Variants in COLEC12 observed in about 807,000 individuals in gnomAD.
COLEC12 encodes the protein collectin subfamily member 12.
In COLEC12, 33 loss-of-function variants were observed where a neutral mutation model predicts 71.1. The observed-to-expected ratio is 0.46, with a 90% CI of 0.35 to 0.62. The LOEUF (loss-of-function observed/expected upper bound fraction) is 0.62, where lower values mean the gene tolerates loss of function less well. Ranked by LOEUF, COLEC12 falls within the 20% of genes least tolerant of loss-of-function variation. The probability of loss-of-function intolerance (pLI) is 0.00; values close to 1 mark genes in which losing one functional copy is unlikely to be tolerated. For missense variants in COLEC12, 765 were observed against 916.1 expected (o/e 0.84, Z 2.13); for synonymous variants, 350 against 353.0 (o/e 0.99, Z 0.10).
intron 2 of COLEC12, among the ~76,000 whole-genome samples, chr18:458,837 T>G (rs1273522841): frequency 1.3e-5 from 2 of 152,246 alleles, no homozygotes; most frequent in Non-Finnish European, 2.9e-5. Context: ...CAGGAGGTAC[T>G]CAGATAACTT....
intron 2 of COLEC12, among the ~76,000 whole-genome samples, chr18:460,282 T>C (rs1277837251): frequency 1.3e-5 from 2 of 151,598 alleles, no homozygotes; most frequent in African/African-American, 4.9e-5. Context: ...ATTCTTCATT[T>C]ACTACACGCC....
At chr18:448,093 C>CCAAGT (rs1916688050) in intron 2 of COLEC12, among the ~76,000 whole-genome samples, 1 of 152,162 alleles carries the variant, frequency 6.6e-6, no homozygotes, top group African/African-American at 2.4e-5. Context: ...TTTCAAATAC[C>CCAAGT]CAAGTGGTAC....
rs764922020 is a variant in COLEC12 at position 334,754 on chromosome 18, G to A, written c.1804C>T (p.Pro602Ser). 3 of 1,470,658 alleles carry A rather than the reference G, an allele frequency of 2.0e-6. No individual in the cohort carries two copies. The South Asian group carries it at 4.5e-5, about 22-fold the overall frequency. 91.1% of individuals were successfully genotyped at this position (1,470,658 alleles called of 1,614,324 possible). Residue 602 changes from proline to serine, a missense_variant, in exon 6 of 10, where the codon CCG (proline) becomes TCG (serine). Physicochemically the swap from Pro to Ser is moderately conservative, Grantham distance 74 (BLOSUM62 -1). Coordinates refer to ENST00000400256, the MANE Select transcript of COLEC12 (RefSeq NM_130386.3). The part of the protein sequence containing the change: ...LALQNEPTPA[P>S]EDNGCPPHWK... ...GGCTTGGACTTACCATTGTCCTCCG[G>A]TGCTGGGGTTGGCTCATTCTGCAGG... is the stretch of plus-strand genomic sequence containing the variant.
At chr18:328,789 G>C (rs1158118943) in intron 8 of COLEC12, among the ~76,000 whole-genome samples, 1 of 152,160 alleles carries the variant, frequency 6.6e-6, no homozygotes, top group African/African-American at 2.4e-5. Flanking sequence ...CCCCGATCTT[G>C]CTGATGCTAG....
intron 2 of COLEC12, among the ~76,000 whole-genome samples, chr18:428,398 T>C (rs985744862): frequency 6.6e-6 from 1 of 152,202 alleles, no homozygotes; most frequent in African/African-American, 2.4e-5. Context: ...TTCATTTACA[T>C]TTGGTGTGAG....
chr18:474,140 G>C (rs999332246), intron 2 of COLEC12, among the ~76,000 whole-genome samples: 2 of 152,184 alleles, frequency 1.3e-5, no homozygotes, highest in African/African-American at 4.8e-5. Flanking sequence ...GAGTATGGCC[G>C]TGTCTGTGAG....
chr18:464,309 G>A (rs187113373), intron 2 of COLEC12, among the ~76,000 whole-genome samples: 217 of 152,204 alleles, frequency 1.4e-3, no homozygotes, highest in African/African-American at 4.5e-3. Context: ...ACAGCATCTC[G>A]CGACAGTCTA....
chr18:417,517 C>T (rs1286683643), intron 2 of COLEC12, among the ~76,000 whole-genome samples: 1 of 152,076 alleles, frequency 6.6e-6, no homozygotes, highest in Non-Finnish European at 1.5e-5. Context: ...CCCCTAAGGA[C>T]CACCGCCAAG....
At chr18:447,413 G>A (rs1916674145) in intron 2 of COLEC12, among the ~76,000 whole-genome samples, 1 of 152,202 alleles carries the variant, frequency 6.6e-6, no homozygotes, top group South Asian at 2.1e-4. Context: ...GGAGGTAGAG[G>A]GAGAGGGGAG....
intron 2 of COLEC12, among the ~76,000 whole-genome samples, chr18:363,290 G>A (rs895870381): frequency 1.3e-5 from 2 of 152,140 alleles, no homozygotes; most frequent in Non-Finnish European, 2.9e-5. Context: ...CACTGAAGGT[G>A]GGCTTGTGTG....
chr18:483,081 T>C (rs1917454448), intron 1 of COLEC12, among the ~76,000 whole-genome samples: 1 of 152,196 alleles, frequency 6.6e-6, no homozygotes, highest in African/African-American at 2.4e-5. Flanking sequence ...CTCAGAATAC[T>C]TGTTTGTTAC....
chr18:496,820 T>C (rs1487925221), intron 1 of COLEC12, among the ~76,000 whole-genome samples: 3 of 152,222 alleles, frequency 2.0e-5, no homozygotes, highest in Non-Finnish European at 4.4e-5. Context: ...TGTTTTTGGT[T>C]GTCTCTTAGG....
At chr18:350,026 G>A (rs1266291902) in intron 3 of COLEC12, among the ~76,000 whole-genome samples, 1 of 152,180 alleles carries the variant, frequency 6.6e-6, no homozygotes, top group Non-Finnish European at 1.5e-5. Flanking sequence ...TTAAAACTTT[G>A]TGGGACTGTT....
chr18:420,875 G>A (rs990377828), intron 2 of COLEC12, among the ~76,000 whole-genome samples: 49 of 27,768 alleles, frequency 1.8e-3, no homozygotes, highest in African/African-American at 2.7e-3. Flanking sequence ...CCAACCTAGA[G>A]CCACACCTCC....
intron 5 of COLEC12, among the ~76,000 whole-genome samples, chr18:344,402 T>C (rs1014450773): frequency 8.5e-5 from 13 of 152,222 alleles, no homozygotes; most frequent in Non-Finnish European, 1.5e-4. Context: ...TGTTCTCCAC[T>C]GAACAGGCTC....
intron 2 of COLEC12, among the ~76,000 whole-genome samples, chr18:446,565 TTTTTG>T (rs1916657658): frequency 6.6e-6 from 1 of 151,362 alleles, no homozygotes; most frequent in Admixed American, 6.6e-5. Flanking sequence ...TTTTTTTTTT[TTTTTG>T]TTTAAGTAGC....
At position 486,954 on chromosome 18, in the gene COLEC12, A is replaced by G. The variant is rs112387070; in HGVS notation, c.8-6197T>C. Among the ~76,000 whole-genome samples, 382 of 152,340 alleles carry G rather than the reference A, an allele frequency of 2.5e-3. 4 individuals carry two copies. The highest frequency in any genetic ancestry group is 8.9e-3 in the African/African-American group (368 of 41,572). On this transcript the variant is annotated intron_variant, in intron 1 of 9. Coordinates refer to ENST00000400256, the MANE Select transcript of COLEC12 (RefSeq NM_130386.3). Reference sequence around the variant, plus strand: ...CATAAAGTTACCATACAATCCAGCAATTCTGCTCCTAGGTTTATACCTACG... The same window carrying G: ...CATAAAGTTACCATACAATCCAGCAGTTCTGCTCCTAGGTTTATACCTACG...
intron 5 of COLEC12, among the ~76,000 whole-genome samples, chr18:341,749 C>G (rs1914257319): frequency 6.6e-6 from 1 of 152,230 alleles, no homozygotes; most frequent in African/African-American, 2.4e-5. Context: ...ATCCTCATAA[C>G]TCTAAAAGGT....
intron 2 of COLEC12, among the ~76,000 whole-genome samples, chr18:385,991 T>C (rs954023459): frequency 3.3e-5 from 5 of 152,130 alleles, no homozygotes; most frequent in African/African-American, 9.7e-5. Context: ...CAGATGTCCT[T>C]TAAGGTTGAT....
Sources: allele counts gnomAD v4.1 joint callset (sites outside exome capture counted in the v4.1 genomes callset), GRCh38; gene constraint gnomAD v4.1.1; transcripts MANE v1.5; gene names NCBI Gene and HGNC (gene_info 2026-07-23, HGNC 2026-07-21).